Variants in DSCAM observed in about 807,000 individuals in gnomAD.
DSCAM encodes cell adhesion molecule DSCAM.
Under a neutral mutation model 217.7 loss-of-function variants are expected in DSCAM, and 47 were observed. That is an observed-to-expected ratio of 0.22 (90% CI 0.17 to 0.28). The LOEUF (loss-of-function observed/expected upper bound fraction) is 0.28. Ranked by LOEUF, DSCAM falls within the 10% of genes least tolerant of loss-of-function variation. The pLI is 1.00. For missense variants in DSCAM, 2,080 were observed against 2,618.3 expected, an observed-to-expected ratio of 0.79 and a Z score of 4.49; for synonymous variants, 1,056 against 1,015.3, an observed-to-expected ratio of 1.04 and a Z score of -0.76.
chr21:40,822,306 G>C (rs1265059893), intron 1 of DSCAM, among the ~76,000 whole-genome samples: 1 of 111,858 alleles, frequency 8.9e-6, no homozygotes, highest in Non-Finnish European at 1.7e-5. Context: ...GTGACAGAGT[G>C]AGATCTTTTC....
At chr21:40,754,611 G>A (rs949005499) in intron 1 of DSCAM, among the ~76,000 whole-genome samples, 2 of 152,166 alleles carry the variant, frequency 1.3e-5, no homozygotes, top group African/African-American at 4.8e-5. Flanking sequence ...GTCACTGGCC[G>A]TGGCTGCTCT....
At chr21:40,256,919 T>C (rs2146970095) in intron 11 of DSCAM, among the ~76,000 whole-genome samples, 1 of 151,252 alleles carries the variant, frequency 6.6e-6, no homozygotes, top group South Asian at 2.1e-4. Flanking sequence ...CCACTTCACA[T>C]AATATCACTA....
intron 16 of DSCAM, among the ~76,000 whole-genome samples, chr21:40,166,011 A>G (rs2146770400): frequency 6.6e-6 from 1 of 152,254 alleles, no homozygotes; most frequent in Non-Finnish European, 1.5e-5. Flanking sequence ...CCCGCTGGAA[A>G]CACAACTCAT....
chr21:40,047,061 T>A (rs912238059), intron 30 of DSCAM, among the ~76,000 whole-genome samples: 1 of 151,936 alleles, frequency 6.6e-6, no homozygotes, highest in Non-Finnish European at 1.5e-5. Context: ...GGCCTGATAA[T>A]GTTGAAAATT....
At chr21:40,426,266 C>T (rs2075474125) in intron 3 of DSCAM, among the ~76,000 whole-genome samples, 1 of 152,220 alleles carries the variant, frequency 6.6e-6, no homozygotes, top group Non-Finnish European at 1.5e-5. Flanking sequence ...GATGGGTCTG[C>T]CTACAATGGT....
intron 11 of DSCAM, among the ~76,000 whole-genome samples, chr21:40,241,251 C>T (rs2073148626): frequency 6.6e-6 from 1 of 152,040 alleles, no homozygotes; most frequent in Non-Finnish European, 1.5e-5. Flanking sequence ...TGACAAAGGT[C>T]TAATATTTAG....
chr21:40,358,297 A>T lies in DSCAM; in HGVS notation c.656-4554T>A, dbSNP rs568315253. Among the ~76,000 whole-genome samples the T allele has an allele frequency of 2.0e-5, 3 of 152,332 alleles. No individual in the cohort carries two copies. The East Asian group carries it at 5.8e-4, about 29-fold the overall frequency. ...ACATTTTTAAAAAATGGCTGAGACA[A>T]CTGGATATCCACATGGAAAATAATT... On this transcript the variant is annotated intron_variant, in intron 4 of 32. Transcript: ENST00000400454.
intron 3 of DSCAM, among the ~76,000 whole-genome samples, chr21:40,585,175 ACTT>A (rs1042782004): frequency 1.5e-4 from 10 of 68,530 alleles, no homozygotes; most frequent in South Asian, 9.0e-4. Context: ...AGACAAATCA[ACTT>A]CTTTTTTTTT....
intron 32 of DSCAM, among the ~76,000 whole-genome samples, chr21:40,020,736 G>A (rs185473796): frequency 1.2e-4 from 18 of 152,240 alleles, no homozygotes; most frequent in Admixed American, 5.9e-4. Flanking sequence ...CCGCACTGCC[G>A]GTTCCTTCCC....
chr21:40,501,224 G>T (rs1378101302), intron 3 of DSCAM, among the ~76,000 whole-genome samples: 1 of 152,084 alleles, frequency 6.6e-6, no homozygotes, highest in Non-Finnish European at 1.5e-5. Flanking sequence ...TTGTTTATCA[G>T]GAATTCAAAT....
At chr21:40,598,285 A>G (rs567634102) in intron 3 of DSCAM, among the ~76,000 whole-genome samples, 43 of 152,184 alleles carry the variant, frequency 2.8e-4, no homozygotes, top group Non-Finnish European at 4.1e-4. Flanking sequence ...TTGATGGATC[A>G]TTCTTCTCAT....
At chr21:40,675,590 C>G (rs1271244580) in intron 3 of DSCAM, among the ~76,000 whole-genome samples, 1 of 152,176 alleles carries the variant, frequency 6.6e-6, no homozygotes, top group East Asian at 1.9e-4. Flanking sequence ...CAATTTAAAT[C>G]ACAAGAAAAG....
intron 3 of DSCAM, among the ~76,000 whole-genome samples, chr21:40,686,427 AAAC>A (rs1013279079): frequency 7.2e-5 from 11 of 151,990 alleles, no homozygotes; most frequent in South Asian, 2.1e-4. Flanking sequence ...ACACCACACC[AAAC>A]ACCACACACA....
At chr21:40,302,016 G>T (rs75072636) in intron 9 of DSCAM, among the ~76,000 whole-genome samples, 3,370 of 152,212 alleles carry the variant, frequency 0.022, 131 homozygotes, top group African/African-American at 0.075. Flanking sequence ...ACTTATGACA[G>T]AACAAAAAGA....
At chr21:40,619,535 ATTAAG>A (rs1240151303) in intron 3 of DSCAM, among the ~76,000 whole-genome samples, 1 of 152,194 alleles carries the variant, frequency 6.6e-6, no homozygotes, top group Non-Finnish European at 1.5e-5. Context: ...CTAATATAAA[ATTAAG>A]TTAATTCATG....
chr21:40,349,713 T>A (rs1371648416), intron 5 of DSCAM, among the ~76,000 whole-genome samples: 3 of 152,012 alleles, frequency 2.0e-5, no homozygotes, highest in Non-Finnish European at 4.4e-5. Flanking sequence ...AAATGGCAAA[T>A]CAAAACAAAA....
At chr21:40,611,151 C>T (rs966399831) in intron 3 of DSCAM, among the ~76,000 whole-genome samples, 4 of 149,654 alleles carry the variant, frequency 2.7e-5, no homozygotes, top group Admixed American at 6.8e-5. Flanking sequence ...CTCTGCCTCC[C>T]GGGTTCAAGC....
intron 15 of DSCAM, among the ~76,000 whole-genome samples, chr21:40,167,714 C>T (rs539601929): frequency 6.6e-6 from 1 of 152,270 alleles, no homozygotes; most frequent in African/African-American, 2.4e-5. Flanking sequence ...TGACTTCGGG[C>T]AAAAATAATC....
At chr21:40,331,306 C>G (rs1431343804) in intron 8 of DSCAM, among the ~76,000 whole-genome samples, 1 of 152,158 alleles carries the variant, frequency 6.6e-6, no homozygotes, top group Non-Finnish European at 1.5e-5. Flanking sequence ...AAGGCTGTTT[C>G]TGTGCACAAA....
Sources: gnomAD v4.1 joint callset for allele counts (sites outside exome capture counted in the v4.1 genomes callset) on GRCh38, gnomAD v4.1.1 for gene constraint, MANE v1.5 for transcripts, NCBI Gene and HGNC (gene_info 2026-07-23, HGNC 2026-07-21) for gene names.